The following ADAMTSL2 variants were observed in gnomAD, a reference collection of about 807,000 sequenced individuals.
The protein encoded by ADAMTSL2 is ADAMTS-like protein 2.
In ADAMTSL2, 55 loss-of-function variants were observed where a neutral mutation model predicts 117.0. That is an observed-to-expected ratio of 0.47 (90% CI 0.38 to 0.59). ADAMTSL2 has a LOEUF of 0.59. Ranked by LOEUF, ADAMTSL2 falls within the 20% of genes least tolerant of loss-of-function variation. The pLI is 0.00. For synonymous variants in ADAMTSL2, 572 were observed against 566.4 expected, an observed-to-expected ratio of 1.01 and a Z score of -0.14; for missense variants, 1,182 against 1,354.5, an observed-to-expected ratio of 0.87 and a Z score of 2.00.
upstream of ADAMTSL2, among the ~76,000 whole-genome samples, chr9:133,534,029 G>A (rs902512795): frequency 8.5e-5 from 13 of 152,206 alleles, no homozygotes; most frequent in Non-Finnish European, 1.5e-4. Context: ...ACAGAGGCTT[G>A]AGCTCCAGGC....
Position 133,541,320 on chromosome 9 carries a change from G to C in ADAMTSL2, c.682+319G>C, listed in dbSNP as rs1195698799. Among the ~76,000 whole-genome samples the C allele has an allele frequency of 2.7e-5, 4 of 148,328 alleles. No individual in the cohort carries two copies. In the East Asian group the frequency reaches 7.8e-4, roughly 29 times the overall value. The stretch of plus-strand genomic sequence containing the variant: ...TTTTTTTTTTTTGAGACAGAGTCTT[G>C]CTCTGTTGCCCAGGCTGGAGTGCAG... On this transcript the variant is annotated intron_variant, in intron 7 of 18. Transcript: ENST00000651351.
At chr9:133,567,382 T>A (rs1830999264) in intron 13 of ADAMTSL2, among the ~76,000 whole-genome samples, 2 of 152,252 alleles carry the variant, frequency 1.3e-5, no homozygotes, top group South Asian at 4.1e-4. Flanking sequence ...ACATCTAGGA[T>A]TTTTATAAAC....
At position 133,537,400 on chromosome 9, in the gene ADAMTSL2, C is replaced by T. The variant is rs200940324; in HGVS notation, c.91-5C>T. 3.6e-5 allele frequency: 48 copies of T among 1,339,712 alleles called. No individual in the cohort carries two copies. Among genetic ancestry groups the T allele is most frequent in the Non-Finnish European group, 4.4e-5 (46 of 1,036,722 alleles). 83.0% of individuals were successfully genotyped at this position (1,339,712 alleles called of 1,614,324 possible). On this transcript the variant is annotated splice_region_variant and splice_polypyrimidine_tract_variant and intron_variant, in intron 2 of 18. Transcript: ENST00000651351. ...CTCTACCATCTGGGGGTCCCTCTCA[C>T]CCAGGACAACAGCCCAACATCCAAT...
chr9:133,538,128 A>T (rs552475037), intron 3 of ADAMTSL2, among the ~76,000 whole-genome samples: 1 of 152,334 alleles, frequency 6.6e-6, no homozygotes, highest in East Asian at 1.9e-4. Context: ...AATTCTGTGT[A>T]CTGAGCCCCT....
intron 9 of ADAMTSL2, among the ~76,000 whole-genome samples, chr9:133,552,816 A>C (rs1830517303): frequency 3.3e-5 from 5 of 152,200 alleles, no homozygotes; most frequent in Non-Finnish European, 7.3e-5. Context: ...GGCTGGCTAC[A>C]TCTGCATCCT....
At chr9:133,546,925 C>T (rs1830362088) in intron 8 of ADAMTSL2, 113 bp from the exon 9 acceptor site, 18 of 1,106,266 alleles carry the variant, frequency 1.6e-5, no homozygotes, top group Non-Finnish European at 2.5e-5. Flanking sequence ...GTCTCGGGAG[C>T]ATTTGAGCCG....
In ADAMTSL2 at chr9:133,570,567, C is replaced by T. The variant is rs980613625; in HGVS notation, c.2592+60C>T. 30 of 1,545,886 alleles carry T rather than the reference C, an allele frequency of 1.9e-5. No homozygotes were observed. The African/African-American group carries it at 3.3e-4, about 17-fold the overall frequency. On this transcript the variant is annotated intron_variant, in intron 17 of 18. Transcript: ENST00000651351. ...AGGCCAGACCTGAATGTCGATCCCG[C>T]CCCTCCCGCCTCAAGCCTCCTTAAG...
At chr9:133,539,745 A>G (rs1436761094) in intron 4 of ADAMTSL2, 26 bp from the exon 5 acceptor site, 1 of 1,254,284 alleles carries the variant, frequency 8.0e-7, no homozygotes. Context: ...TTCCTCCCGG[A>G]GCCTCCCTGT....
intron 17 of ADAMTSL2, among the ~76,000 whole-genome samples, chr9:133,572,332 G>A (rs1243444878): frequency 6.6e-6 from 1 of 152,204 alleles, no homozygotes; most frequent in African/African-American, 2.4e-5. Context: ...GGCTTCCCAG[G>A]GGAGGCCTGG....
chr9:133,539,673 G>GGCTGTCCCA (rs1010055727), intron 4 of ADAMTSL2, 98 bp from the exon 5 acceptor site: 6 of 1,261,786 alleles, frequency 4.8e-6, no homozygotes, highest in South Asian at 1.3e-5. Context: ...CGGCTGTCCC[G>GGCTGTCCCA]GCTGTCCCGG....
chr9:133,552,183 G>A (rs1351927478), intron 9 of ADAMTSL2, among the ~76,000 whole-genome samples: 1 of 152,186 alleles, frequency 6.6e-6, no homozygotes, highest in Non-Finnish European at 1.5e-5. Flanking sequence ...TCTTGGATGT[G>A]GAATATGCTG....
chr9:133,555,507 G>A (rs1354734282), intron 10 of ADAMTSL2, 51 bp from the exon 11 acceptor site: 1 of 1,611,670 alleles, frequency 6.2e-7, no homozygotes, highest in East Asian at 2.2e-5. Flanking sequence ...GGCAGCCCTT[G>A]CCCCCAGGGC....
At chr9:133,540,407 C>T (rs1830188635) in intron 5 of ADAMTSL2, among the ~76,000 whole-genome samples, 191 bp from the exon 6 acceptor site, 1 of 152,198 alleles carries the variant, frequency 6.6e-6, no homozygotes, top group African/African-American at 2.4e-5. Flanking sequence ...CTGGAACTCA[C>T]GGGGTGTGGG....
chr9:133,563,250 A>C (rs1398471207), intron 12 of ADAMTSL2, among the ~76,000 whole-genome samples: 1 of 152,220 alleles, frequency 6.6e-6, no homozygotes, highest in East Asian at 1.9e-4. Context: ...GGCTTCCACC[A>C]TACCCAGGAG....
chr9:133,568,752 G>C lies in ADAMTSL2; in HGVS notation c.2238G>C (p.Trp746Cys). 6.2e-7 allele frequency: 1 copy of C among 1,613,054 alleles called. No individual in the cohort carries two copies. Among genetic ancestry groups the C allele is most frequent in the Non-Finnish European group, 8.5e-7 (1 of 1,179,986 alleles). The part of the protein sequence containing the change: ...PCDRQWTVSD[W>C]GPCSGSCGQG... ...ACCGGCAGTGGACCGTCTCCGACTG[G>C]GGACCGGTGAGGCCTGCACTGAGGG... The change falls in exon 15 of 19, where the codon TGG becomes TGC. Residue 746 changes from tryptophan to cysteine, a missense_variant. Trp to Cys is a radical substitution (Grantham distance 215, BLOSUM62 -2). Around this residue, in one of 3 missense-constraint regions of ADAMTSL2, gnomAD observed 465 missense variants for 565.3 expected, o/e 0.82. Coordinates refer to ENST00000651351, the MANE Select transcript of ADAMTSL2 (RefSeq NM_014694.4).
At chr9:133,534,664 G>GCCT (rs1830004906), upstream of ADAMTSL2, 1 of 1,335,838 alleles carries the variant, frequency 7.5e-7, no homozygotes, top group Admixed American at 4.0e-5. Context: ...CTCCCCGTCT[G>GCCT]CCTGACAGCT....
intron 6 of ADAMTSL2, 50 bp from the exon 7 acceptor site, chr9:133,540,828 G>C (rs769375214): frequency 1.9e-6 from 3 of 1,613,194 alleles, no homozygotes; most frequent in Non-Finnish European, 2.5e-6. Flanking sequence ...CGGCCCCGGG[G>C]CCTGGCCACA....
At position 133,554,653 on chromosome 9, in the gene ADAMTSL2, C is replaced by T. The variant is rs1441235871; in HGVS notation, c.1236C>T (p.Gly412=). 12 of 1,524,122 alleles carry T rather than the reference C, an allele frequency of 7.9e-6. No individual in the cohort carries two copies. In the Admixed American group the frequency reaches 8.3e-5, roughly 11 times the overall value. 94.4% of individuals were successfully genotyped at this position (1,524,122 alleles called of 1,614,324 possible). A position where few individuals can be genotyped will look rare whatever the true frequency, so the allele number is the denominator to read the frequency against. Residue 412 remains glycine, a synonymous_variant, in exon 10 of 19, where the codon GGC becomes GGT. Coordinates refer to ENST00000651351, the MANE Select transcript of ADAMTSL2 (RefSeq NM_014694.4). This position sits in a 1 kb window ranked among gnomAD's most constrained non-coding sequence, Gnocchi z 5.2. ...ACGAGGTGTGCGAGCAGGCCGGCGG[C>T]GGGGCCTGCGAGGGGCCCCCCAGGG... ...ETNEVCEQAG[G]GACEGPPRGK... is the part of the protein sequence containing the mutation.
rs1064976 is a variant in ADAMTSL2 at position 133,574,934 on chromosome 9, C to A, written c.*70C>A. ...CCTGGGGCTGCTGCAGCTTCTGGGG[C>A]CTCCACAGACCCCCCTCCTGCGGGG... On this transcript the variant is annotated 3_prime_UTR_variant, in exon 19 of 19. Transcript: ENST00000651351. 1.7e-6 allele frequency: 2 copies of A among 1,207,750 alleles called. No individual in the cohort carries two copies. Among genetic ancestry groups the A allele is most frequent in the Non-Finnish European group, 2.5e-6 (2 of 814,036 alleles). 74.8% of individuals were successfully genotyped at this position (1,207,750 alleles called of 1,614,324 possible). A position where few individuals can be genotyped will look rare whatever the true frequency, so the allele number is the denominator to read the frequency against.
Sources: gnomAD v4.1 joint callset for allele counts (sites outside exome capture counted in the v4.1 genomes callset) on GRCh38, gnomAD v4.1.1 for gene constraint, gnomAD v4.1.1 regional missense constraint, Gnocchi (gnomAD v3.1) non-coding constraint, MANE v1.5 for transcripts, NCBI Gene and HGNC (gene_info 2026-07-23, HGNC 2026-07-21) for gene names.